Variants in HERPUD2 observed in about 807,000 individuals in gnomAD.
The protein encoded by HERPUD2 is homocysteine-responsive endoplasmic reticulum-resident ubiquitin-like domain member 2 protein.
Under a neutral mutation model 49.9 loss-of-function variants are expected in HERPUD2, and 13 were observed. The ratio of observed to expected loss-of-function variants is 0.26; its 90% CI spans 0.17 to 0.41. The LOEUF (loss-of-function observed/expected upper bound fraction) is 0.41. Among genes scored for constraint, HERPUD2 ranks in the 10% least tolerant of loss-of-function variants. The pLI is 1.00. For missense variants in HERPUD2, 449 were observed against 492.2 expected (o/e 0.91, Z 0.83); for synonymous variants, 172 against 171.4 (o/e 1.00, Z -0.03).
At chr7:35,693,816 TCAGTAGA>T (rs1363547175) in intron 2 of HERPUD2, among the ~76,000 whole-genome samples, 18 of 152,168 alleles carry the variant, frequency 1.2e-4, no homozygotes, top group Non-Finnish European at 2.6e-4. Context: ...TTTTGTATTT[TCAGTAGA>T]CATAGGGTTT....
At chr7:35,664,257 C>G (rs942991283) in intron 5 of HERPUD2, among the ~76,000 whole-genome samples, 1 of 152,196 alleles carries the variant, frequency 6.6e-6, no homozygotes, top group African/African-American at 2.4e-5. Flanking sequence ...GCCGAGAGAT[C>G]AGCTATTAGT....
chr7:35,680,750 A>G (rs1474428348), intron 2 of HERPUD2, among the ~76,000 whole-genome samples: 1 of 152,240 alleles, frequency 6.6e-6, no homozygotes, highest in Admixed American at 6.5e-5. Context: ...ACAGTAGAGT[A>G]TTCCCTCTCA....
At chr7:35,672,130 G>A (rs1235299294) in intron 3 of HERPUD2, among the ~76,000 whole-genome samples, 6 of 151,976 alleles carry the variant, frequency 3.9e-5, no homozygotes, top group Admixed American at 3.9e-4. Flanking sequence ...CTCACTGATT[G>A]TAACAAATGT....
intron 5 of HERPUD2, 110 bp from the exon 6 acceptor site, chr7:35,638,582 T>C (rs985342569): frequency 2.7e-5 from 29 of 1,082,334 alleles, no homozygotes; most frequent in Non-Finnish European, 3.5e-5. Context: ...TATTTAAATC[T>C]CACTGAAAAG....
chr7:35,680,227 C>G (rs1202980687), intron 2 of HERPUD2, among the ~76,000 whole-genome samples: 1 of 151,856 alleles, frequency 6.6e-6, no homozygotes, highest in Admixed American at 6.6e-5. Context: ...GGCAACATAG[C>G]AAGACTCCAT....
intron 2 of HERPUD2, among the ~76,000 whole-genome samples, chr7:35,683,118 A>G (rs1785951532): frequency 6.6e-6 from 1 of 152,222 alleles, no homozygotes; most frequent in South Asian, 2.1e-4. Flanking sequence ...AGCCAAAGCA[A>G]GACTAAGCAA....
chr7:35,674,404 TAGAGAGAGAGAG>T (rs3999932), intron 2 of HERPUD2, among the ~76,000 whole-genome samples: 692 of 37,820 alleles, frequency 0.018, 29 homozygotes, highest in East Asian at 0.032. Flanking sequence ...TATATATATA[TAGAGAGAGAGAG>T]AGAGAGAGAG....
At position 35,694,423 on chromosome 7, in the gene HERPUD2, G is replaced by T; in HGVS notation, c.-93C>A. Reference sequence around the variant, plus strand: ...CGCCGGCGCGACTGGGATGAGGACAGAAGTGAGTTCTTAGTATTCCGTGTC... The same window carrying T: ...CGCCGGCGCGACTGGGATGAGGACATAAGTGAGTTCTTAGTATTCCGTGTC... On this transcript the variant is annotated 5_prime_UTR_variant, in exon 2 of 9. In the 5' UTR this introduces an upstream ATG that the reference lacks. Transcript: ENST00000311350. 7.7e-7 allele frequency: 1 copy of T among 1,292,710 alleles called. No individual in the cohort carries two copies. The highest frequency in any genetic ancestry group is 1.1e-6 in the Non-Finnish European group (1 of 897,582). The allele number at this position is 1,292,710 out of a possible 1,614,324, so 80.1% of individuals were successfully genotyped here.
At chr7:35,674,404 T>TATATAG (rs1785711309) in intron 2 of HERPUD2, among the ~76,000 whole-genome samples, 8 of 38,126 alleles carry the variant, frequency 2.1e-4, no homozygotes, top group African/African-American at 3.8e-4. Context: ...TATATATATA[T>TATATAG]AGAGAGAGAG....
chr7:35,682,373 A>G (rs1330543925), intron 2 of HERPUD2, among the ~76,000 whole-genome samples: 1 of 139,676 alleles, frequency 7.2e-6, no homozygotes, highest in African/African-American at 2.6e-5. Flanking sequence ...ATATATATAT[A>G]TATATATATA....
chr7:35,677,687 T>C (rs187416602), intron 2 of HERPUD2, among the ~76,000 whole-genome samples: 4 of 152,356 alleles, frequency 2.6e-5, no homozygotes, highest in Non-Finnish European at 4.4e-5. Flanking sequence ...TTTTGTGCTT[T>C]TGTTTTCTTC....
chr7:35,678,060 C>T (rs1785803914), intron 2 of HERPUD2, among the ~76,000 whole-genome samples: 1 of 152,138 alleles, frequency 6.6e-6, no homozygotes, highest in Non-Finnish European at 1.5e-5. Flanking sequence ...GTGCAAATTT[C>T]TAGTACCTGC....
chr7:35,637,607 T>C (rs376043047), intron 6 of HERPUD2, among the ~76,000 whole-genome samples: 153 of 152,190 alleles, frequency 1.0e-3, no homozygotes, highest in African/African-American at 3.4e-3. Context: ...CCAGGATTCA[T>C]CCACAGAGAG....
intron 2 of HERPUD2, among the ~76,000 whole-genome samples, chr7:35,686,284 G>A (rs1786040569): frequency 1.4e-5 from 1 of 69,722 alleles, no homozygotes; most frequent in Non-Finnish European, 2.7e-5. Context: ...TGCCTCCCAG[G>A]TTCATGCCAT....
At chr7:35,665,665 C>A (rs569191142) in intron 5 of HERPUD2, among the ~76,000 whole-genome samples, 1 of 152,220 alleles carries the variant, frequency 6.6e-6, no homozygotes, top group African/African-American at 2.4e-5. Flanking sequence ...ATGCAGAAAT[C>A]GCCCATCTTC....
intron 2 of HERPUD2, among the ~76,000 whole-genome samples, chr7:35,674,450 GAGAGAGAGAGAGA>G (rs1785716349): frequency 4.0e-5 from 5 of 123,696 alleles, no homozygotes; most frequent in African/African-American, 9.0e-5. Context: ...GAGAGAGAGA[GAGAGAGAGAGAGA>G]GGAGCACTGT....
intron 2 of HERPUD2, among the ~76,000 whole-genome samples, chr7:35,673,589 A>G (rs1188402830): frequency 6.6e-6 from 1 of 152,194 alleles, no homozygotes; most frequent in African/African-American, 2.4e-5. Context: ...CAATGCATAT[A>G]TGACTATCAT....
intron 3 of HERPUD2, among the ~76,000 whole-genome samples, chr7:35,672,661 C>T (rs1168393136): frequency 6.6e-6 from 1 of 151,980 alleles, no homozygotes; most frequent in Non-Finnish European, 1.5e-5. Flanking sequence ...TGAACATAAG[C>T]TAAAAGCTAC....
intron 4 of HERPUD2, among the ~76,000 whole-genome samples, chr7:35,669,161 A>G (rs1283351861): frequency 6.6e-6 from 1 of 152,200 alleles, no homozygotes; most frequent in Admixed American, 6.5e-5. Flanking sequence ...GCCAATGCCA[A>G]TGTCTGTGCC....
Sources: gnomAD v4.1 joint callset for allele counts (sites outside exome capture counted in the v4.1 genomes callset) on GRCh38, gnomAD v4.1.1 for gene constraint, MANE v1.5 for transcripts, NCBI Gene and HGNC (gene_info 2026-07-23, HGNC 2026-07-21) for gene names.